PTGFR: variants seen among roughly 807,000 people sequenced by gnomAD.
PTGFR encodes prostaglandin F2-alpha receptor.
PTGFR carries 15 observed loss-of-function variants against 26.2 expected under a neutral mutation model. That is an observed-to-expected ratio of 0.57 (90% CI 0.38 to 0.88). The LOEUF is 0.88. Ranked by LOEUF, PTGFR falls within the 40% of genes least tolerant of loss-of-function variation. The pLI is 0.00. For synonymous variants in PTGFR, 165 were observed against 151.1 expected, an observed-to-expected ratio of 1.09 and a Z score of -0.68; for missense variants, 369 against 427.2, an observed-to-expected ratio of 0.86 and a Z score of 1.20.
chr1:78,501,984 T>A (rs1013942708), intron 2 of PTGFR, among the ~76,000 whole-genome samples: 1 of 152,204 alleles, frequency 6.6e-6, no homozygotes, highest in Non-Finnish European at 1.5e-5. Context: ...TGAAAAATAA[T>A]CATCTACGTT....
rs549855215 is a variant in PTGFR, at chr1:78,498,801, T to C, written c.798+5260T>C. 2.0e-5 allele frequency among the ~76,000 whole-genome samples: 3 copies of C among 152,348 alleles called. No homozygotes were observed. In the South Asian group the frequency reaches 6.2e-4, roughly 32 times the overall value. Reference sequence around the variant, plus strand: ...TTCAGGTTTACTCTTGGATTTCTGCTGATTTCAGAGGCAATATTTTCATAA... The same window carrying C: ...TTCAGGTTTACTCTTGGATTTCTGCCGATTTCAGAGGCAATATTTTCATAA... On this transcript the variant is annotated intron_variant, in intron 2 of 2. Transcript: ENST00000370757.
At chr1:78,494,599 T>C (rs1649498251) in intron 2 of PTGFR, among the ~76,000 whole-genome samples, 1 of 151,518 alleles carries the variant, frequency 6.6e-6, no homozygotes, top group Non-Finnish European at 1.5e-5. Context: ...TAGTGCAGGT[T>C]TTTTGTTTGT....
intron 2 of PTGFR, among the ~76,000 whole-genome samples, chr1:78,511,188 C>A (rs557222892): frequency 2.6e-5 from 4 of 152,330 alleles, no homozygotes; most frequent in African/African-American, 4.8e-5. Context: ...CTAGGCAATG[C>A]CCCTCTGGGG....
rs747973659 is a variant in PTGFR at position 78,532,484 on chromosome 1, GTA to G, written c.799-3916_799-3915del. The G allele has an allele frequency of 2.4e-4, 32 of 135,140 alleles. No individual in the cohort carries two copies. In the East Asian group the frequency reaches 6.1e-3, roughly 26 times the overall value. The allele number at this position is 135,140 out of a possible 1,614,324, so 8.4% of individuals were successfully genotyped here. A position where few individuals can be genotyped will look rare whatever the true frequency, so the allele number is the denominator to read the frequency against. ...TATATTTGTGTGTGTATATATGTGT[GTA>G]TATATGTGTATATATTTGTGTGTGT... On this transcript the variant is annotated intron_variant, in intron 2 of 2. Coordinates refer to ENST00000370757, the MANE Select transcript of PTGFR (RefSeq NM_000959.4).
At chr1:78,516,546 C>A (rs1650094153) in intron 2 of PTGFR, among the ~76,000 whole-genome samples, 1 of 152,110 alleles carries the variant, frequency 6.6e-6, no homozygotes, top group Non-Finnish European at 1.5e-5. Context: ...AACAAGGGTG[C>A]CTTTAATAAT....
Position 78,518,017 on chromosome 1 carries a change from C to T in PTGFR, c.799-18389C>T, listed in dbSNP as rs534533211. On this transcript the variant is annotated intron_variant, in intron 2 of 2. Transcript: ENST00000370757. ...TAGTTTGTAAATAACAAAGAAAATG[C>T]TTTCAACCTAGATGACAGATTGATA... Among the ~76,000 whole-genome samples, 209 of 152,180 alleles carry T rather than the reference C, an allele frequency of 1.4e-3. 1 individual carries two copies. The highest frequency in any genetic ancestry group is 4.8e-3 in the African/African-American group (201 of 41,522).
intron 2 of PTGFR, among the ~76,000 whole-genome samples, chr1:78,519,517 G>A (rs1334910901): frequency 1.3e-5 from 2 of 152,048 alleles, no homozygotes; most frequent in Admixed American, 1.3e-4. Flanking sequence ...ATTCCATTTG[G>A]TACTCTAGTA....
intron 2 of PTGFR, chr1:78,498,006 G>T: frequency 7.9e-7 from 1 of 1,264,462 alleles, no homozygotes. Flanking sequence ...ATTTTCCTAA[G>T]GTTACTCTTA....
At chr1:78,516,110 AT>A (rs913130528) in intron 2 of PTGFR, among the ~76,000 whole-genome samples, 1 of 152,154 alleles carries the variant, frequency 6.6e-6, no homozygotes, top group Non-Finnish European at 1.5e-5. Flanking sequence ...GAACCAATTA[AT>A]TTTTTTAAAA....
intron 2 of PTGFR, among the ~76,000 whole-genome samples, chr1:78,525,936 A>G (rs1267109735): frequency 6.6e-6 from 1 of 152,074 alleles, no homozygotes; most frequent in East Asian, 1.9e-4. Flanking sequence ...TTTGTTTTAA[A>G]ATCTTAGAAA....
chr1:78,502,131 A>C (rs1047752644), intron 2 of PTGFR, among the ~76,000 whole-genome samples: 1 of 152,224 alleles, frequency 6.6e-6, no homozygotes, highest in Non-Finnish European at 1.5e-5. Context: ...TTACTTCACT[A>C]TCTCATCAGA....
At chr1:78,493,566 T>C (rs762286714) in intron 2 of PTGFR, 25 bp downstream of exon 2, 3 of 1,510,660 alleles carry the variant, frequency 2.0e-6, no homozygotes, top group Non-Finnish European at 1.8e-6. Flanking sequence ...TTTTGACTTC[T>C]GCTTTCTTGG....
At chr1:78,509,263 T>C (rs1649902290) in intron 2 of PTGFR, among the ~76,000 whole-genome samples, 2 of 152,206 alleles carry the variant, frequency 1.3e-5, no homozygotes, top group African/African-American at 2.4e-5. Flanking sequence ...AATATGATGC[T>C]GACAATGGTG....
chr1:78,495,796 A>G lies in PTGFR; in HGVS notation c.798+2255A>G, dbSNP rs571824443. On this transcript the variant is annotated intron_variant, in intron 2 of 2. Transcript: ENST00000370757. ...GAATGTATGTTTTTCCCTAATTTCC[A>G]TTCCTGGATTTTTGGTTTGGTTTGG... 2.6e-5 allele frequency among the ~76,000 whole-genome samples: 4 copies of G among 152,296 alleles called. No homozygotes were observed. The East Asian group carries it at 5.8e-4, about 22-fold the overall frequency.
Position 78,539,487 on chromosome 1 carries a change from G to T in PTGFR, c.*2800G>T, listed in dbSNP as rs1570308116. The T allele has an allele frequency of 6.6e-6, 1 of 152,380 alleles. No homozygotes were observed. The highest frequency in any genetic ancestry group is 2.4e-5 in the African/African-American group (1 of 41,378). The allele number at this position is 152,380 out of a possible 1,614,324, so 9.4% of individuals were successfully genotyped here. ...TATACATTTTATTACTTCTTAATCT[G>T]GGTGTCAAAGATTTTACCACCTGGT... On this transcript the variant is annotated 3_prime_UTR_variant, in exon 3 of 3. Transcript: ENST00000370757.
At position 78,519,924 on chromosome 1, in the gene PTGFR, T is replaced by C. The variant is rs146247487; in HGVS notation, c.799-16482T>C. ...CTTCTCTTTTGACTTAATTGTTGAT[T>C]TATAAATTCCTTTTTTCTTTTTTCC... On this transcript the variant is annotated intron_variant, in intron 2 of 2. Transcript: ENST00000370757. Among the ~76,000 whole-genome samples, 6 of 152,286 alleles carry C rather than the reference T, an allele frequency of 3.9e-5. No individual in the cohort carries two copies. In the East Asian group the frequency reaches 5.8e-4, roughly 15 times the overall value.
At chr1:78,515,725 C>T (rs1650076734) in intron 2 of PTGFR, among the ~76,000 whole-genome samples, 1 of 152,064 alleles carries the variant, frequency 6.6e-6, no homozygotes, top group Non-Finnish European at 1.5e-5. Flanking sequence ...TCTATATGAC[C>T]ATAGATTTTG....
intron 2 of PTGFR, among the ~76,000 whole-genome samples, chr1:78,531,484 C>T (rs1650505325): frequency 6.6e-6 from 1 of 151,984 alleles, no homozygotes; most frequent in Non-Finnish European, 1.5e-5. Flanking sequence ...AGGTCTATCA[C>T]CATAACAATT....
intron 2 of PTGFR, chr1:78,532,114 T>C (rs1392720332): frequency 8.6e-6 from 3 of 349,050 alleles, no homozygotes; most frequent in Non-Finnish European, 1.7e-5. Flanking sequence ...ATTTGTGAAA[T>C]ATTTTGTAAC....
Sources: gnomAD v4.1 joint callset for allele counts (sites outside exome capture counted in the v4.1 genomes callset) on GRCh38, gnomAD v4.1.1 for gene constraint, MANE v1.5 for transcripts, NCBI Gene and HGNC (gene_info 2026-07-23, HGNC 2026-07-21) for gene names.